MNS1: variants seen among roughly 807,000 people sequenced by gnomAD.
MNS1 encodes meiosis-specific nuclear structural protein 1.
A neutral mutation model predicts 72.0 loss-of-function variants in MNS1; 63 were observed. That is an observed-to-expected ratio of 0.87 (90% CI 0.71 to 1.08). MNS1 has a LOEUF of 1.08. Among genes scored for constraint, MNS1 ranks in the 50% least tolerant of loss-of-function variants. The pLI is 0.00. For synonymous variants in MNS1, 188 were observed against 172.1 expected, an observed-to-expected ratio of 1.09 and a Z score of -0.72; for missense variants, 604 against 562.4, an observed-to-expected ratio of 1.07 and a Z score of -0.75.
chr15:56,454,589 T>TA (rs1239621925), intron 3 of MNS1, among the ~76,000 whole-genome samples: 18 of 152,162 alleles, frequency 1.2e-4, no homozygotes, highest in Admixed American at 3.9e-4. Context: ...TTTATGATTT[T>TA]CTATTACTGT....
chr15:56,445,792 T>A (rs1374102256), intron 4 of MNS1: 1 of 152,036 alleles, frequency 6.6e-6, no homozygotes, highest in Non-Finnish European at 1.5e-5. Context: ...TAGCAGCAAT[T>A]CTCGTAGGAG....
intron 8 of MNS1, among the ~76,000 whole-genome samples, chr15:56,432,383 G>A (rs558743753): frequency 3.9e-5 from 6 of 152,238 alleles, no homozygotes; most frequent in Admixed American, 6.5e-5. Flanking sequence ...TTGTCTGACC[G>A]TATGATTTTC....
chr15:56,463,619 T>C lies in MNS1; in HGVS notation c.225+407A>G, dbSNP rs573450103. On this transcript the variant is annotated intron_variant, in intron 2 of 9. Coordinates refer to ENST00000260453, the MANE Select transcript of MNS1 (RefSeq NM_018365.4). ...CAATATGGTGAAACCCCGTCTCTAC[T>C]AAAAATTAAAAAATTAGCCAGGCGT... 9.7e-4 allele frequency among the ~76,000 whole-genome samples: 147 copies of C among 152,118 alleles called. 2 individuals are homozygous for C. The highest frequency in any genetic ancestry group is 3.3e-3 in the African/African-American group (136 of 41,506).
At chr15:56,463,831 A>G (rs1355330529) in intron 2 of MNS1, 195 bp downstream of exon 2, 2 of 572,320 alleles carry the variant, frequency 3.5e-6, no homozygotes, top group African/African-American at 3.8e-5. Flanking sequence ...TAGCTAAGGT[A>G]TAGCAGTAGT....
intron 5 of MNS1, 116 bp from the exon 6 acceptor site, chr15:56,443,970 A>T: frequency 1.2e-6 from 1 of 819,944 alleles, no homozygotes; most frequent in Non-Finnish European, 1.8e-6. Flanking sequence ...TCGTGCATGC[A>T]ACAAACATTT....
At chr15:56,463,113 A>G (rs1398607181) in intron 2 of MNS1, among the ~76,000 whole-genome samples, 1 of 152,196 alleles carries the variant, frequency 6.6e-6, no homozygotes, top group Non-Finnish European at 1.5e-5. Flanking sequence ...TACCTTTTAT[A>G]TATTTATGAG....
At chr15:56,435,633 G>A (rs2050710375) in intron 7 of MNS1, among the ~76,000 whole-genome samples, 2 of 151,896 alleles carry the variant, frequency 1.3e-5, no homozygotes, top group Middle Eastern at 3.2e-3. Flanking sequence ...ATGAAATAAG[G>A]TAATCTGAAT....
chr15:56,430,487 T>G (rs1409549109), intron 9 of MNS1, among the ~76,000 whole-genome samples: 1 of 152,204 alleles, frequency 6.6e-6, no homozygotes, highest in East Asian at 1.9e-4. Context: ...ATTATAGGCA[T>G]GAGTTGCCAT....
chr15:56,452,522 CTTTTTTTT>C (rs200065158), intron 3 of MNS1, among the ~76,000 whole-genome samples: 2 of 138,882 alleles, frequency 1.4e-5, no homozygotes, highest in Non-Finnish European at 3.1e-5. Flanking sequence ...TTCTTTTTTT[CTTTTTTTT>C]TTTTTTGAGA....
Position 56,443,555 on chromosome 15 carries a change from A to C in MNS1, c.904-18T>G, listed in dbSNP as rs1272057439. 14 of 1,571,964 alleles carry C rather than the reference A, an allele frequency of 8.9e-6. No individual in the cohort carries two copies. The highest frequency in any genetic ancestry group is 1.4e-5 in the African/African-American group (1 of 72,316). On this transcript the variant is annotated intron_variant, in intron 6 of 9. Coordinates refer to ENST00000260453, the MANE Select transcript of MNS1 (RefSeq NM_018365.4). ...TGTGTCAACTATTAAATTTTTTAAA[A>C]AACATAAATATTTATAGGATCCAAA...
intron 7 of MNS1, among the ~76,000 whole-genome samples, chr15:56,435,656 A>G (rs531157652): frequency 3.3e-5 from 5 of 152,164 alleles, no homozygotes; most frequent in African/African-American, 9.6e-5. Flanking sequence ...TCCTATCACT[A>G]TTAAGGAGAC....
chr15:56,457,459 C>T (rs1419043656), intron 2 of MNS1, among the ~76,000 whole-genome samples: 1 of 152,186 alleles, frequency 6.6e-6, no homozygotes, highest in Non-Finnish European at 1.5e-5. Flanking sequence ...GAAACTATCA[C>T]TCATATATTG....
chr15:56,431,766 A>T (rs1030909257), intron 8 of MNS1, among the ~76,000 whole-genome samples: 1 of 152,068 alleles, frequency 6.6e-6, no homozygotes, highest in Admixed American at 6.6e-5. Flanking sequence ...CAAGGGAAAA[A>T]ATATTCAAAG....
At chr15:56,443,192 T>C (rs187636262) in intron 7 of MNS1, among the ~76,000 whole-genome samples, 2 of 152,198 alleles carry the variant, frequency 1.3e-5, no homozygotes, top group African/African-American at 2.4e-5. Context: ...TCTTCATTTT[T>C]AAATTGTGAT....
intron 3 of MNS1, among the ~76,000 whole-genome samples, chr15:56,449,660 G>C (rs1379477903): frequency 1.3e-5 from 2 of 152,144 alleles, no homozygotes; most frequent in African/African-American, 4.8e-5. Flanking sequence ...ACTTTGTCCT[G>C]AATGTTTGGT....
At chr15:56,440,370 A>G (rs1653191588) in intron 7 of MNS1, among the ~76,000 whole-genome samples, 1 of 152,234 alleles carries the variant, frequency 6.6e-6, no homozygotes, top group South Asian at 2.1e-4. Flanking sequence ...TCTGATGGGA[A>G]TGTTAAATGC....
intron 9 of MNS1, 172 bp from the exon 10 acceptor site, chr15:56,429,365 A>T: frequency 1.9e-6 from 1 of 540,140 alleles, no homozygotes; most frequent in South Asian, 2.4e-5. Flanking sequence ...AAGACTTTAC[A>T]TATATATTGA....
At chr15:56,434,064 A>G in intron 8 of MNS1, 74 bp downstream of exon 8, 2 of 1,458,688 alleles carry the variant, frequency 1.4e-6, no homozygotes, top group Non-Finnish European at 1.9e-6. Flanking sequence ...TTCTCAGTAA[A>G]TGTTTAGTGG....
At chr15:56,429,347 C>G (rs1353841351) in intron 9 of MNS1, 154 bp from the exon 10 acceptor site, 1 of 566,914 alleles carries the variant, frequency 1.8e-6, no homozygotes, top group Non-Finnish European at 3.0e-6. Flanking sequence ...CAATACTTTT[C>G]AAAAAATAAG....
Sources: allele counts gnomAD v4.1 joint callset (sites outside exome capture counted in the v4.1 genomes callset), GRCh38; gene constraint gnomAD v4.1.1; transcripts MANE v1.5; gene names NCBI Gene and HGNC (gene_info 2026-07-23, HGNC 2026-07-21).